MECR: variants seen among roughly 807,000 people sequenced by gnomAD.
MECR encodes mitochondrial trans-2-enoyl-CoA reductase, also known as enoyl-[acyl-carrier-protein] reductase, mitochondrial.
In MECR, 37 loss-of-function variants were observed where a neutral mutation model predicts 49.1. The ratio of observed to expected loss-of-function variants is 0.75; its 90% CI spans 0.58 to 0.99. The LOEUF is 0.99. MECR is among the 50% of genes least tolerant of loss of function. MECR has a pLI of 0.00. For missense variants in MECR, 470 were observed against 479.6 expected (o/e 0.98, Z 0.19); for synonymous variants, 198 against 191.1 (o/e 1.04, Z -0.30).
At chr1:29,213,677 TG>T (rs1415622377) in intron 3 of MECR, among the ~76,000 whole-genome samples, 1 of 152,280 alleles carries the variant, frequency 6.6e-6, no homozygotes, top group Non-Finnish European at 1.5e-5. Flanking sequence ...CTCAGGCTGC[TG>T]GTGGCCATCT....
intron 1 of MECR, chr1:29,223,942 C>T (rs1432138714): frequency 6.6e-6 from 1 of 152,162 alleles, no homozygotes; most frequent in African/African-American, 2.4e-5. Context: ...GCCACACCCT[C>T]CCTGCACCTC....
In MECR at chr1:29,202,059, A is replaced by G. The variant is rs780593388; in HGVS notation, c.654-14T>C. On this transcript the variant is annotated splice_polypyrimidine_tract_variant and intron_variant, in intron 5 of 9. Transcript: ENST00000263702. ...TGGATATCAGGTCTGGAAACCAAAC[A>G]TAGGTCCCTGGTCACATCTGCCAGC... The G allele has an allele frequency of 1.2e-6, 2 of 1,610,098 alleles. No homozygotes were observed. Among genetic ancestry groups the G allele is most frequent in the Admixed American group, 3.3e-5 (2 of 60,010 alleles).
In MECR at chr1:29,192,946, A is replaced by ATT. The variant is rs35998084; in HGVS notation, c.*1074_*1075dup. On this transcript the variant is annotated 3_prime_UTR_variant, in exon 10 of 10. Transcript: ENST00000263702. Reference sequence around the variant, plus strand: ...ATGAACATTGAACATTTGGGGCTAGATTTTTTTTTTTTTTTTGATATAGGG... The same window carrying ATT: ...ATGAACATTGAACATTTGGGGCTAGATTTTTTTTTTTTTTTTTTGATATAGGG... 4.7e-4 allele frequency: 68 copies of ATT among 144,212 alleles called. No homozygotes were observed. Among genetic ancestry groups the ATT allele is most frequent in the South Asian group, 6.6e-4 (3 of 4,530 alleles). 8.9% of individuals were successfully genotyped at this position (144,212 alleles called of 1,614,324 possible).
chr1:29,212,932 A>G (rs1678386096), intron 3 of MECR, among the ~76,000 whole-genome samples: 1 of 151,834 alleles, frequency 6.6e-6, no homozygotes, highest in Non-Finnish European at 1.5e-5. Context: ...TTCTCTCATC[A>G]CTTACGTTCA....
In MECR at chr1:29,201,927, C is replaced by T. The variant is rs201622334; in HGVS notation, c.756+16G>A. On this transcript the variant is annotated intron_variant, in intron 6 of 9. Coordinates refer to ENST00000263702, the MANE Select transcript of MECR (RefSeq NM_016011.5). The surrounding 1 kb of genome is among the most constrained non-coding windows in gnomAD (Gnocchi z 4.3). ...TGTGCGTGGACTGGAGGGGCAATGT[C>T]CCTCTTCCTAGGTACCTTAAAGAAG... 1.0e-3 allele frequency: 1,669 copies of T among 1,597,056 alleles called. 5 individuals are homozygous for T. Among genetic ancestry groups the T allele is most frequent in the African/African-American group, 3.4e-3 (256 of 74,676 alleles).
chr1:29,228,259 G>A (rs1391193337), intron 1 of MECR, among the ~76,000 whole-genome samples: 14 of 151,114 alleles, frequency 9.3e-5, no homozygotes, highest in Non-Finnish European at 1.5e-4. Flanking sequence ...AAAGCTGTCT[G>A]ATATTTTATG....
At chr1:29,210,457 A>T (rs956280859) in intron 3 of MECR, among the ~76,000 whole-genome samples, 3 of 152,170 alleles carry the variant, frequency 2.0e-5, no homozygotes, top group Admixed American at 6.5e-5. Context: ...CCTTCAAATC[A>T]TCGTTCCCAT....
intron 5 of MECR, 76 bp downstream of exon 5, chr1:29,203,055 C>CA: frequency 7.9e-7 from 1 of 1,260,470 alleles, no homozygotes; most frequent in African/African-American, 1.5e-5. Flanking sequence ...CTCTGGTGGA[C>CA]AACTGGGCAC....
At chr1:29,197,544 G>C (rs959361852) in intron 7 of MECR, among the ~76,000 whole-genome samples, 5 of 152,146 alleles carry the variant, frequency 3.3e-5, no homozygotes, top group African/African-American at 1.2e-4. Context: ...CCACTCCCTG[G>C]CTCTTCTAGG....
At chr1:29,181,202 T>C in the MECR span, among the ~76,000 whole-genome samples, 1 of 152,322 alleles carries the variant, frequency 6.6e-6, no homozygotes, top group South Asian at 2.1e-4. Context: ...GCTGTGACCG[T>C]CTGATCCATG....
intron 3 of MECR, among the ~76,000 whole-genome samples, chr1:29,212,875 G>A (rs1042464171): frequency 1.3e-5 from 2 of 152,078 alleles, no homozygotes; most frequent in African/African-American, 2.4e-5. Flanking sequence ...TCGCACCCAT[G>A]AGCCAGCCAC....
At chr1:29,171,783 G>A in the MECR span, 1 of 152,106 alleles carries the variant, frequency 6.6e-6, no homozygotes, top group Non-Finnish European at 1.5e-5. Context: ...TCTATATCCT[G>A]TGCCTATCTT....
At chr1:29,189,099 C>A (rs949860526), downstream of MECR, among the ~76,000 whole-genome samples, 4 of 152,070 alleles carry the variant, frequency 2.6e-5, no homozygotes, top group African/African-American at 9.7e-5. Flanking sequence ...ACCACCACTC[C>A]CGGCTAATTT....
At chr1:29,194,234 A>G in intron 9 of MECR, 55 bp from the exon 10 acceptor site, 1 of 1,547,718 alleles carries the variant, frequency 6.5e-7, no homozygotes, top group Non-Finnish European at 8.7e-7. Flanking sequence ...GCTTGGTGAG[A>G]TGTGGCACGG....
chr1:29,181,874 G>C, the MECR span: 1 of 707,142 alleles, frequency 1.4e-6, no homozygotes, highest in Non-Finnish European at 2.0e-6. Context: ...GGACGCAGCC[G>C]AACCCCGGCG....
the MECR span, chr1:29,173,209 C>G: frequency 5.2e-5 from 7 of 134,456 alleles, no homozygotes; most frequent in South Asian, 1.6e-3. Flanking sequence ...GCGATCTCGG[C>G]TCACTGCAAG....
the MECR span, among the ~76,000 whole-genome samples, chr1:29,176,778 T>A: frequency 2.6e-5 from 4 of 152,110 alleles, no homozygotes; most frequent in African/African-American, 7.2e-5. Context: ...AAAACAAAAA[T>A]TTTCTGGTAA....
chr1:29,200,828 A>T (rs1675141436), intron 6 of MECR, among the ~76,000 whole-genome samples: 1 of 151,790 alleles, frequency 6.6e-6, no homozygotes, highest in African/African-American at 2.4e-5. Context: ...TCGCTCTGTT[A>T]CCCAGGCTGG....
chr1:29,227,207 C>A (rs1682324634), intron 1 of MECR, among the ~76,000 whole-genome samples: 1 of 152,002 alleles, frequency 6.6e-6, no homozygotes, highest in African/African-American at 2.4e-5. Context: ...TGGTGATCCG[C>A]CCGCCTCGGC....
Sources: allele counts gnomAD v4.1 joint callset (sites outside exome capture counted in the v4.1 genomes callset), GRCh38; gene constraint gnomAD v4.1.1; non-coding constraint Gnocchi (gnomAD v3.1); transcripts MANE v1.5; gene names NCBI Gene and HGNC (gene_info 2026-07-23, HGNC 2026-07-21).